The following TNRC18 variants were observed in gnomAD, a reference collection of about 807,000 sequenced individuals.
TNRC18 encodes the protein trinucleotide repeat-containing gene 18 protein.
In TNRC18, 69 loss-of-function variants were observed where a neutral mutation model predicts 226.7. That is an observed-to-expected ratio of 0.30 (90% confidence interval 0.25 to 0.37). The LOEUF is 0.37. TNRC18 is among the 10% of genes least tolerant of loss of function. The pLI is 1.00. For missense variants in TNRC18, 4,754 were observed against 4,256.6 expected, an observed-to-expected ratio of 1.12 and a Z score of -3.25; for synonymous variants, 2,449 against 1,927.6, an observed-to-expected ratio of 1.27 and a Z score of -7.09.
At position 5,308,192 on chromosome 7, in the gene TNRC18, T is replaced by C; in HGVS notation, c.8821A>G (p.Ser2941Gly). 6.2e-7 allele frequency: 1 copy of C among 1,607,022 alleles called. No individual in the cohort carries two copies. Among genetic ancestry groups the C allele is most frequent in the East Asian group, 2.2e-5 (1 of 44,654 alleles). Residue 2941 changes from serine to glycine, a missense_variant, in exon 30 of 30, where the codon AGC (serine) becomes GGC (glycine). By Grantham distance (56) the Ser-to-Gly change is moderately conservative. Transcript: ENST00000430969. ...CCCGCGAGGTAGTACAGGCCCTCGC[T>C]GTCCTGGTACTTCTTGGTCTTCAGC... ...QMLKTKKYQD[S>G]EGLYYLAGTY...
intron 18 of TNRC18, among the ~76,000 whole-genome samples, chr7:5,334,642 C>G (rs1171513772): frequency 6.6e-6 from 1 of 152,114 alleles, no homozygotes; most frequent in Non-Finnish European, 1.5e-5. Context: ...CAGCAAGGGG[C>G]TTTTGAGGCT....
At chr7:5,404,816 A>G (rs1175906119) in intron 2 of TNRC18, among the ~76,000 whole-genome samples, 4 of 151,294 alleles carry the variant, frequency 2.6e-5, no homozygotes, top group Non-Finnish European at 4.4e-5. Flanking sequence ...GGTGTCTCTA[A>G]AAAGTATACA....
intron 5 of TNRC18, among the ~76,000 whole-genome samples, chr7:5,385,494 C>CAAAAAAAAAA (rs60919833): frequency 3.4e-5 from 3 of 88,088 alleles, no homozygotes; most frequent in Non-Finnish European, 7.1e-5. Context: ...GACTCCGTCT[C>CAAAAAAAAAA]AAAAAAAAAA....
intron 17 of TNRC18, 104 bp downstream of exon 17, chr7:5,351,715 C>T: frequency 1.5e-6 from 2 of 1,345,274 alleles, no homozygotes; most frequent in Non-Finnish European, 2.0e-6. Context: ...CGGGCCTCCT[C>T]ACCCACCATC....
At chr7:5,327,022 G>T (rs141773762) in intron 19 of TNRC18, among the ~76,000 whole-genome samples, 1 of 151,856 alleles carries the variant, frequency 6.6e-6, no homozygotes, top group East Asian at 1.9e-4. Context: ...TACTCGGGAG[G>T]CTGAGGCAGG....
At chr7:5,321,213 C>T (rs928204023) in intron 21 of TNRC18, 23 bp from the exon 22 acceptor site, 16 of 1,513,806 alleles carry the variant, frequency 1.1e-5, no homozygotes, top group African/African-American at 8.3e-5. Context: ...GATCGTGAGG[C>T]GAGGCTGGAG....
rs747453857 is a variant in TNRC18 at position 5,371,324 on chromosome 7, G to C, written c.3270C>G (p.His1090Gln). 1 of 1,535,358 alleles carries C rather than the reference G, an allele frequency of 6.5e-7. No individual in the cohort carries two copies. Residue 1090 changes from histidine (H) to glutamine (Q), a missense_variant, in exon 11 of 30, where the codon CAC (histidine) becomes CAG (glutamine). Transcript: ENST00000430969. ...PRYPFQALPPHYGRPYPFLLQ... is the reference protein window; with the variant it reads ...PRYPFQALPPQYGRPYPFLLQ... ...GCAGGAAAGGGTAGGGCCTCCCGTA[G>C]TGCGGTGGCAGGGCTTGGAACGGGT...
chr7:5,387,144 A>G (rs1779850512), intron 5 of TNRC18, among the ~76,000 whole-genome samples: 1 of 152,212 alleles, frequency 6.6e-6, no homozygotes, highest in Admixed American at 6.5e-5. Flanking sequence ...AACCACTTAC[A>G]GGCACGTAAA....
intron 18 of TNRC18, among the ~76,000 whole-genome samples, chr7:5,343,492 G>A (rs1241956755): frequency 6.6e-6 from 1 of 152,184 alleles, no homozygotes; most frequent in East Asian, 1.9e-4. Flanking sequence ...GCGCATTCTC[G>A]GCTCACTGCA....
intron 19 of TNRC18, among the ~76,000 whole-genome samples, chr7:5,330,576 G>T (rs1052891742): frequency 3.0e-4 from 46 of 151,998 alleles, no homozygotes; most frequent in African/African-American, 1.1e-3. Flanking sequence ...ATAGAGAGCG[G>T]TTCATAGGAG....
chr7:5,344,376 A>C (rs1286822476), intron 18 of TNRC18, among the ~76,000 whole-genome samples: 1 of 152,156 alleles, frequency 6.6e-6, no homozygotes, highest in African/African-American at 2.4e-5. Context: ...TATGAACAAT[A>C]CCTAAGAATA....
Position 5,338,795 on chromosome 7 carries a change from C to T in TNRC18, c.5720-5746G>A, listed in dbSNP as rs570561217. ...ATTAGCCAGGCATGGAGGCGCATGCCTGCAATCCCAGCTACTTGGGAGGCT... is the reference window on the plus strand; with the variant it reads ...ATTAGCCAGGCATGGAGGCGCATGCTTGCAATCCCAGCTACTTGGGAGGCT... On this transcript the variant is annotated intron_variant, in intron 18 of 29. Coordinates refer to ENST00000430969, the MANE Select transcript of TNRC18 (RefSeq NM_001080495.3). Among the ~76,000 whole-genome samples the T allele has an allele frequency of 9.9e-5, 15 of 151,694 alleles. No homozygotes were observed. In the South Asian group the frequency reaches 2.5e-3, roughly 25 times the overall value.
At chr7:5,319,441 T>G (rs1248159349) in intron 24 of TNRC18, among the ~76,000 whole-genome samples, 1 of 152,228 alleles carries the variant, frequency 6.6e-6, no homozygotes, top group Non-Finnish European at 1.5e-5. Flanking sequence ...TTGACTGTCT[T>G]TCTTGCCTGT....
At chr7:5,387,567 T>A (rs563189315) in intron 5 of TNRC18, 105 bp downstream of exon 5, 2 of 1,468,928 alleles carry the variant, frequency 1.4e-6, no homozygotes, top group African/African-American at 2.8e-5. Flanking sequence ...ATGATACTTA[T>A]AAAGACTTAG....
chr7:5,357,030 C>T lies in TNRC18; in HGVS notation c.5080G>A (p.Gly1694Ser). 1.9e-6 allele frequency: 3 copies of T among 1,552,300 alleles called. No individual in the cohort carries two copies. Among genetic ancestry groups the T allele is most frequent in the South Asian group, 1.2e-5 (1 of 84,066 alleles). Residue 1694 changes from glycine (G) to serine (S), a missense_variant, in exon 16 of 30, where the codon GGT (glycine) becomes AGT (serine). Coordinates refer to ENST00000430969, the MANE Select transcript of TNRC18 (RefSeq NM_001080495.3). ...GTTTTGGCTGCCCTTTTGTGTTTAC[C>T]TTCTCTGGAGGATTTCAGAGACAGG... Reference protein sequence around the residue: ...LGLSLKSSREGKHKRAAKTRK... With the variant: ...LGLSLKSSRESKHKRAAKTRK...
chr7:5,321,317 G>C, intron 21 of TNRC18, 127 bp from the exon 22 acceptor site: 2 of 641,898 alleles, frequency 3.1e-6, no homozygotes, highest in Non-Finnish European at 5.5e-6. Flanking sequence ...CTGTGGGGCT[G>C]AGACGTGTGC....
At chr7:5,365,257 A>C (rs1375291267) in intron 11 of TNRC18, among the ~76,000 whole-genome samples, 1 of 152,126 alleles carries the variant, frequency 6.6e-6, no homozygotes, top group East Asian at 1.9e-4. Flanking sequence ...GACCACAGGC[A>C]CATGCCGTCA....
At chr7:5,414,789 C>T (rs1782069939) in intron 2 of TNRC18, among the ~76,000 whole-genome samples, 1 of 152,188 alleles carries the variant, frequency 6.6e-6, no homozygotes, top group Admixed American at 6.6e-5. Flanking sequence ...CTTCATAAAA[C>T]CTAACAGTGA....
chr7:5,406,648 C>A (rs1042521050), intron 2 of TNRC18, among the ~76,000 whole-genome samples: 6 of 151,600 alleles, frequency 4.0e-5, no homozygotes, highest in African/African-American at 1.5e-4. Context: ...GTCAGGAGTT[C>A]GACACCAGCC....
Sources: allele counts gnomAD v4.1 joint callset (sites outside exome capture counted in the v4.1 genomes callset), GRCh38; gene constraint gnomAD v4.1.1; transcripts MANE v1.5; gene names NCBI Gene and HGNC (gene_info 2026-07-23, HGNC 2026-07-21).